Variants in DOK6 observed in about 807,000 individuals in gnomAD.
DOK6 encodes the protein downstream of tyrosine kinase 6.
Under a neutral mutation model 44.0 loss-of-function variants are expected in DOK6, and 22 were observed. That is an observed-to-expected ratio of 0.50 (90% CI 0.36 to 0.71). The LOEUF (loss-of-function observed/expected upper bound fraction) is 0.71, where lower values mean the gene tolerates loss of function less well. DOK6 is among the 30% of genes least tolerant of loss of function. DOK6 has a pLI of 0.00. For missense variants in DOK6, 340 were observed against 416.4 expected (o/e 0.82, Z 1.60); for synonymous variants, 166 against 145.5 (o/e 1.14, Z -1.01).
At chr18:69,720,019 T>A (rs1313011641) in intron 5 of DOK6, among the ~76,000 whole-genome samples, 1 of 152,100 alleles carries the variant, frequency 6.6e-6, no homozygotes, top group Non-Finnish European at 1.5e-5. Context: ...GTGAAACCCA[T>A]CTCTACTAAA....
chr18:69,763,351 T>G (rs940030122), intron 7 of DOK6, among the ~76,000 whole-genome samples: 7 of 152,206 alleles, frequency 4.6e-5, no homozygotes, highest in Admixed American at 2.0e-4. Flanking sequence ...TTATTTATAC[T>G]TCTCTAACTT....
chr18:69,479,949 C>T (rs777952426), intron 1 of DOK6, among the ~76,000 whole-genome samples: 4 of 152,062 alleles, frequency 2.6e-5, no homozygotes, highest in Non-Finnish European at 5.9e-5. Flanking sequence ...AGACACAAAT[C>T]AAGAGGGAAA....
At chr18:69,596,709 A>G (rs1983749729) in intron 2 of DOK6, among the ~76,000 whole-genome samples, 1 of 152,212 alleles carries the variant, frequency 6.6e-6, no homozygotes, top group Admixed American at 6.5e-5. Flanking sequence ...AGAAATAGTA[A>G]GTGATCCCAG....
chr18:69,689,441 A>G (rs1438528448), intron 4 of DOK6, among the ~76,000 whole-genome samples: 2 of 152,234 alleles, frequency 1.3e-5, no homozygotes, highest in Non-Finnish European at 2.9e-5. Context: ...TAAACATCTA[A>G]AGAAAAGTTT....
At chr18:69,558,249 A>G (rs1982737723) in intron 1 of DOK6, among the ~76,000 whole-genome samples, 1 of 152,136 alleles carries the variant, frequency 6.6e-6, no homozygotes, top group African/African-American at 2.4e-5. Context: ...GATGAAGAGT[A>G]CAGAAAAGGT....
At chr18:69,762,486 T>G (rs1263375006) in intron 7 of DOK6, among the ~76,000 whole-genome samples, 1 of 152,216 alleles carries the variant, frequency 6.6e-6, no homozygotes, top group Non-Finnish European at 1.5e-5. Context: ...AGTAAAAGTC[T>G]GGCAATGTGG....
intron 3 of DOK6, among the ~76,000 whole-genome samples, chr18:69,629,681 G>A (rs1984644416): frequency 6.6e-6 from 1 of 152,158 alleles, no homozygotes; most frequent in Admixed American, 6.5e-5. Flanking sequence ...TTTCCACCCT[G>A]AAGGACTGAC....
intron 7 of DOK6, among the ~76,000 whole-genome samples, chr18:69,778,281 G>T (rs1332198248): frequency 6.6e-6 from 1 of 152,090 alleles, no homozygotes; most frequent in African/African-American, 2.4e-5. Flanking sequence ...GCTTAACTCA[G>T]GTCCTCCTAG....
At chr18:69,819,090 C>T (rs911722185) in intron 7 of DOK6, among the ~76,000 whole-genome samples, 1 of 152,150 alleles carries the variant, frequency 6.6e-6, no homozygotes, top group Non-Finnish European at 1.5e-5. Context: ...CTAGGAATAT[C>T]CTCACAAGTA....
chr18:69,461,575 T>C (rs182602621), intron 1 of DOK6, among the ~76,000 whole-genome samples: 7 of 152,304 alleles, frequency 4.6e-5, no homozygotes, highest in South Asian at 2.1e-4. Flanking sequence ...GGAGGCCCTA[T>C]TTAATCTATT....
intron 7 of DOK6, among the ~76,000 whole-genome samples, chr18:69,811,270 G>A (rs1981215898): frequency 6.6e-6 from 1 of 151,908 alleles, no homozygotes; most frequent in South Asian, 2.1e-4. Context: ...ACCCACAGAA[G>A]CATAGAGTCC....
At chr18:69,456,794 G>A (rs996237971) in intron 1 of DOK6, among the ~76,000 whole-genome samples, 2 of 151,898 alleles carry the variant, frequency 1.3e-5, no homozygotes, top group East Asian at 1.9e-4. Context: ...CCTTTTCTTC[G>A]AAGTCTTGCC....
At chr18:69,489,564 C>T (rs572281813) in intron 1 of DOK6, among the ~76,000 whole-genome samples, 172 of 152,208 alleles carry the variant, frequency 1.1e-3, no homozygotes, top group Non-Finnish European at 1.0e-3. Flanking sequence ...TCACCATGAT[C>T]GATTATAGGT....
At chr18:69,706,078 C>A (rs779370080) in intron 5 of DOK6, among the ~76,000 whole-genome samples, 3 of 152,224 alleles carry the variant, frequency 2.0e-5, no homozygotes, top group Non-Finnish European at 4.4e-5. Flanking sequence ...CACTGTTTGT[C>A]ACACATGCCT....
intron 7 of DOK6, among the ~76,000 whole-genome samples, chr18:69,826,176 T>TTTCAGTATTATCATGAGC (rs1466634511): frequency 1.3e-5 from 2 of 152,270 alleles, no homozygotes; most frequent in East Asian, 3.9e-4. Context: ...CTCACTAAGC[T>TTTCAGTATTATCATGAGC]TTCAGTATTA....
chr18:69,712,206 G>A (rs8095841), intron 5 of DOK6, among the ~76,000 whole-genome samples: 64,030 of 138,600 alleles, frequency 0.46, 15,204 homozygotes, highest in East Asian at 0.73. Flanking sequence ...GCGTGAATCC[G>A]GGAGGCAGAG....
intron 2 of DOK6, among the ~76,000 whole-genome samples, chr18:69,571,674 G>C (rs1240751663): frequency 1.3e-5 from 2 of 151,908 alleles, no homozygotes; most frequent in African/African-American, 2.4e-5. Context: ...AATTCATCAG[G>C]ACAAATAAAA....
chr18:69,495,623 T>C (rs1980861818), intron 1 of DOK6, among the ~76,000 whole-genome samples: 3 of 152,180 alleles, frequency 2.0e-5, no homozygotes, highest in Admixed American at 1.3e-4. Context: ...TTCCCACTCC[T>C]GTCAGCGGGA....
intron 1 of DOK6, among the ~76,000 whole-genome samples, chr18:69,474,156 G>A (rs1248673028): frequency 1.3e-5 from 2 of 152,004 alleles, no homozygotes; most frequent in East Asian, 1.9e-4. Flanking sequence ...TGGTGAGGGG[G>A]GGCCTTCTTT....
Sources: gnomAD v4.1 joint callset for allele counts (sites outside exome capture counted in the v4.1 genomes callset) on GRCh38, gnomAD v4.1.1 for gene constraint, MANE v1.5 for transcripts, NCBI Gene and HGNC (gene_info 2026-07-23, HGNC 2026-07-21) for gene names.